Variants in ADAMTSL3 observed in about 807,000 individuals in gnomAD.
The protein encoded by ADAMTSL3 is ADAMTS-like protein 3.
ADAMTSL3 carries 128 observed loss-of-function variants against 201.7 expected under a neutral mutation model. That is an observed-to-expected ratio of 0.63 (90% CI 0.55 to 0.73). The LOEUF (loss-of-function observed/expected upper bound fraction) is 0.73. ADAMTSL3 is among the 30% of genes least tolerant of loss of function. ADAMTSL3 has a pLI of 0.00. For missense variants in ADAMTSL3, 1,990 were observed against 2,119.6 expected (o/e 0.94, Z 1.20); for synonymous variants, 738 against 748.4 (o/e 0.99, Z 0.23).
intron 6 of ADAMTSL3, among the ~76,000 whole-genome samples, chr15:83,823,088 C>A (rs186097652): frequency 1.3e-5 from 2 of 151,598 alleles, no homozygotes; most frequent in South Asian, 4.2e-4. Context: ...TGCAGGCACT[C>A]GGCAGGCTGA....
chr15:83,756,606 C>A (rs1056916575), intron 3 of ADAMTSL3, among the ~76,000 whole-genome samples: 2 of 151,752 alleles, frequency 1.3e-5, no homozygotes, highest in Non-Finnish European at 2.9e-5. Context: ...CCTGCCCCCC[C>A]CCCAAATCTC....
At chr15:83,838,922 T>A (rs1390881118) in intron 7 of ADAMTSL3, among the ~76,000 whole-genome samples, 1 of 152,196 alleles carries the variant, frequency 6.6e-6, no homozygotes, top group African/African-American at 2.4e-5. Flanking sequence ...ACACAGCTGT[T>A]GCAGTGTAAA....
chr15:83,792,756 C>T (rs1229916481), intron 4 of ADAMTSL3, among the ~76,000 whole-genome samples: 2 of 149,850 alleles, frequency 1.3e-5, no homozygotes, highest in African/African-American at 4.9e-5. Context: ...GCACACCATG[C>T]ACACCAGCCT....
chr15:84,006,201 C>G (rs2067891374), intron 23 of ADAMTSL3, among the ~76,000 whole-genome samples: 1 of 152,104 alleles, frequency 6.6e-6, no homozygotes, highest in Non-Finnish European at 1.5e-5. Flanking sequence ...TGATGACTCC[C>G]TTTGTCTATC....
At chr15:83,952,084 G>A (rs551431312) in intron 19 of ADAMTSL3, among the ~76,000 whole-genome samples, 2 of 152,066 alleles carry the variant, frequency 1.3e-5, no homozygotes, top group East Asian at 1.9e-4. Flanking sequence ...TTTGATGTAG[G>A]CATTTATAGC....
At chr15:83,704,167 T>C (rs1281398574) in intron 2 of ADAMTSL3, among the ~76,000 whole-genome samples, 1 of 152,156 alleles carries the variant, frequency 6.6e-6, no homozygotes, top group East Asian at 1.9e-4. Context: ...ATAAATGCCA[T>C]GGCTGCCAGT....
intron 9 of ADAMTSL3, among the ~76,000 whole-genome samples, chr15:83,883,898 C>CT (rs1049569026): frequency 1.4e-3 from 197 of 136,942 alleles, no homozygotes; most frequent in African/African-American, 3.6e-3. Context: ...TTTTCTTTTA[C>CT]TTTTTTTTTT....
At chr15:83,666,762 G>T (rs1287453132) in intron 2 of ADAMTSL3, among the ~76,000 whole-genome samples, 1 of 151,618 alleles carries the variant, frequency 6.6e-6, no homozygotes, top group Non-Finnish European at 1.5e-5. Context: ...AGGATCACTT[G>T]AATTTGGGAG....
In ADAMTSL3 at chr15:83,655,734, A is replaced by G; in HGVS notation, c.-28A>G. The G allele has an allele frequency of 3.7e-6, 6 of 1,612,670 alleles. No homozygotes were observed. The highest frequency in any genetic ancestry group is 5.1e-6 in the Non-Finnish European group (6 of 1,178,824). ...AACTCTTTCCTCGTTTGTAGGCTAC[A>G]ACTGAGACCCGGAGGAGACTAGACC... On this transcript the variant is annotated 5_prime_UTR_variant, in exon 2 of 30. Transcript: ENST00000286744.
At chr15:83,739,853 T>C in intron 3 of ADAMTSL3, 1 of 601,528 alleles carries the variant, frequency 1.7e-6, no homozygotes, top group South Asian at 1.4e-5. Context: ...CTGGGAGTTC[T>C]ACTGCCTGGA....
At chr15:83,760,148 A>G (rs1010178744) in intron 3 of ADAMTSL3, among the ~76,000 whole-genome samples, 1 of 151,914 alleles carries the variant, frequency 6.6e-6, no homozygotes, top group African/African-American at 2.4e-5. Context: ...TGATTTTTTC[A>G]TCTTTCTTCT....
intron 2 of ADAMTSL3, 51 bp from the exon 3 acceptor site, chr15:83,704,338 A>G (rs1239232781): frequency 5.6e-6 from 9 of 1,612,906 alleles, no homozygotes; most frequent in African/African-American, 1.3e-5. Context: ...TTTACCTGTC[A>G]GGGGGTCCTT....
intron 2 of ADAMTSL3, among the ~76,000 whole-genome samples, chr15:83,703,529 C>G (rs993953300): frequency 6.6e-6 from 1 of 152,084 alleles, no homozygotes; most frequent in Admixed American, 6.5e-5. Context: ...ATACTGTTCT[C>G]GTGATAGTGA....
At chr15:83,820,070 C>A in intron 6 of ADAMTSL3, 23 bp downstream of exon 6, 3 of 1,589,632 alleles carry the variant, frequency 1.9e-6, no homozygotes, top group Non-Finnish European at 2.6e-6. Context: ...ACCTCCCAAT[C>A]CCCTGCTTTG....
In ADAMTSL3 at chr15:83,704,428, G is replaced by A. The variant is rs764009171; in HGVS notation, c.109G>A (p.Glu37Lys). The A allele has an allele frequency of 5.6e-6, 9 of 1,614,054 alleles. No individual in the cohort carries two copies. The East Asian group carries it at 1.1e-4, about 20-fold the overall frequency. Residue 37 changes from glutamate (E) to lysine (K), a missense_variant, in exon 3 of 30, where the codon GAG (glutamate) becomes AAG (lysine). By Grantham distance (56) the Glu-to-Lys change is moderately conservative. Transcript: ENST00000286744. The part of the protein sequence containing the change: ...EKSPGAYFLP[E>K]FALSPQGSFL... ...ATCTCCTGGAGCCTATTTCCTTCCC[G>A]AGTTTGCACTTTCTCCTCAGGGAAG...
chr15:83,742,723 G>A (rs1309078097), intron 3 of ADAMTSL3, among the ~76,000 whole-genome samples: 1 of 152,164 alleles, frequency 6.6e-6, no homozygotes, highest in Non-Finnish European at 1.5e-5. Context: ...AGTAAGATTA[G>A]TTCTAAATCT....
chr15:83,762,484 C>T (rs148769482), intron 3 of ADAMTSL3, among the ~76,000 whole-genome samples: 4 of 152,222 alleles, frequency 2.6e-5, no homozygotes, highest in African/African-American at 7.2e-5. Flanking sequence ...TTCAAGGCAC[C>T]GGCAGGTTTG....
At chr15:83,699,724 C>T (rs760317501) in intron 2 of ADAMTSL3, among the ~76,000 whole-genome samples, 1 of 152,206 alleles carries the variant, frequency 6.6e-6, no homozygotes, top group Non-Finnish European at 1.5e-5. Flanking sequence ...TCTAGTTCTT[C>T]CAATTCACTG....
chr15:83,753,585 A>C (rs1003187700), intron 3 of ADAMTSL3, among the ~76,000 whole-genome samples: 3 of 152,184 alleles, frequency 2.0e-5, no homozygotes, highest in African/African-American at 7.2e-5. Flanking sequence ...CTAACCATGG[A>C]TGGAAGTAAA....
Sources: gnomAD v4.1 joint callset for allele counts (sites outside exome capture counted in the v4.1 genomes callset) on GRCh38, gnomAD v4.1.1 for gene constraint, MANE v1.5 for transcripts, NCBI Gene and HGNC (gene_info 2026-07-23, HGNC 2026-07-21) for gene names.